The following STPG2 variants were observed in gnomAD, a reference collection of about 807,000 sequenced individuals.
STPG2 encodes sperm-tail PG-rich repeat-containing protein 2.
In STPG2, 56 loss-of-function variants were observed where a neutral mutation model predicts 54.2. The ratio of observed to expected loss-of-function variants is 1.03; its 90% CI spans 0.83 to 1.29. The LOEUF is 1.29. Ranked by LOEUF, STPG2 falls within the 50% of genes most tolerant of loss-of-function variation. The pLI, the probability that STPG2 is intolerant of heterozygous loss-of-function variation, is 0.00. For synonymous variants in STPG2, 200 were observed against 181.8 expected, an observed-to-expected ratio of 1.10 and a Z score of -0.81; for missense variants, 596 against 544.9, an observed-to-expected ratio of 1.09 and a Z score of -0.93.
intron 5 of STPG2, among the ~76,000 whole-genome samples, chr4:98,075,690 A>G (rs1309374202): frequency 6.6e-6 from 1 of 152,232 alleles, no homozygotes; most frequent in Non-Finnish European, 1.5e-5. Context: ...CACCAAAAAC[A>G]AAAACCTTCA....
At chr4:97,759,997 A>C (rs531410758) in intron 9 of STPG2, among the ~76,000 whole-genome samples, 1 of 152,306 alleles carries the variant, frequency 6.6e-6, no homozygotes, top group South Asian at 2.1e-4. Context: ...CTCATGGCAC[A>C]CCAAGATCAT....
At chr4:97,582,362 AAAC>A (rs1157577538) in intron 10 of STPG2, among the ~76,000 whole-genome samples, 1 of 152,068 alleles carries the variant, frequency 6.6e-6, no homozygotes, top group Non-Finnish European at 1.5e-5. Context: ...GATGCAATAT[AAAC>A]AACACTTTTT....
intron 5 of STPG2, among the ~76,000 whole-genome samples, chr4:98,009,535 T>C (rs1735678020): frequency 6.6e-6 from 1 of 152,104 alleles, no homozygotes; most frequent in South Asian, 2.1e-4. Context: ...TGTGTGCTTG[T>C]GACAAATATG....
intron 9 of STPG2, among the ~76,000 whole-genome samples, chr4:97,838,079 G>A (rs1381202063): frequency 3.3e-5 from 5 of 151,488 alleles, no homozygotes; most frequent in African/African-American, 9.7e-5. Context: ...GTCAGACAAT[G>A]TTATAGTTTT....
chr4:97,561,403 T>C (rs1732237723), intron 10 of STPG2, among the ~76,000 whole-genome samples: 1 of 152,220 alleles, frequency 6.6e-6, no homozygotes, highest in South Asian at 2.1e-4. Context: ...AGGCTGCCTG[T>C]TCACTCTGAT....
intron 9 of STPG2, among the ~76,000 whole-genome samples, chr4:97,808,231 T>A (rs567031568): frequency 6.6e-6 from 1 of 152,072 alleles, no homozygotes; most frequent in African/African-American, 2.4e-5. Flanking sequence ...CAAATCTATA[T>A]GACAATTGAC....
At chr4:97,638,977 C>T (rs1383341077) in intron 10 of STPG2, among the ~76,000 whole-genome samples, 2 of 151,014 alleles carry the variant, frequency 1.3e-5, no homozygotes, top group Admixed American at 6.6e-5. Flanking sequence ...CCATTTGACC[C>T]GGCCATCCCA....
chr4:97,972,382 G>C lies in STPG2; in HGVS notation c.831C>G (p.Cys277Trp), dbSNP rs1435439723. The change falls in exon 7 of 11, where the codon TGC becomes TGG. Residue 277 changes from cysteine (C) to tryptophan (W), a missense_variant. Transcript: ENST00000295268. ...ATGCACTTTTCTTCTGTTTCTTTGA[G>C]CAGATATTTCTAACACTGGCAATTA... ...NTIIASVRNI[C>W]SKKQKKSAFG... is the part of the protein sequence containing the mutation. 6.2e-7 allele frequency: 1 copy of C among 1,607,808 alleles called. No homozygotes were observed. The highest frequency in any genetic ancestry group is 8.5e-7 in the Non-Finnish European group (1 of 1,175,936).
chr4:98,021,607 G>C (rs1578788927), intron 5 of STPG2, among the ~76,000 whole-genome samples: 1 of 152,108 alleles, frequency 6.6e-6, no homozygotes, highest in African/African-American at 2.4e-5. Flanking sequence ...GTCTAATGTT[G>C]ACAGTGGGGT....
At chr4:97,869,194 T>C (rs897331553) in intron 8 of STPG2, among the ~76,000 whole-genome samples, 1 of 151,782 alleles carries the variant, frequency 6.6e-6, no homozygotes, top group African/African-American at 2.4e-5. Context: ...TAATATTATT[T>C]TCAAGAATTT....
chr4:97,637,022 G>T (rs996906589), intron 10 of STPG2, among the ~76,000 whole-genome samples: 3 of 152,078 alleles, frequency 2.0e-5, no homozygotes, highest in East Asian at 1.9e-4. Context: ...TACCAAAGCC[G>T]GGCAGAGACA....
At chr4:97,758,940 T>C (rs924421500) in intron 9 of STPG2, among the ~76,000 whole-genome samples, 17 of 151,746 alleles carry the variant, frequency 1.1e-4, no homozygotes, top group African/African-American at 3.6e-4. Flanking sequence ...AAGCTGGGGA[T>C]AATAAAGATG....
chr4:97,740,104 G>GA (rs1265517697), intron 9 of STPG2, among the ~76,000 whole-genome samples: 2 of 151,866 alleles, frequency 1.3e-5, no homozygotes, highest in African/African-American at 2.4e-5. Context: ...CAGAACCAAA[G>GA]AAAAAAACCA....
chr4:97,735,879 A>C (rs191991647), intron 9 of STPG2, among the ~76,000 whole-genome samples: 1 of 152,158 alleles, frequency 6.6e-6, no homozygotes, highest in African/African-American at 2.4e-5. Context: ...AAAAATGGGC[A>C]AAGGACCTAA....
intron 10 of STPG2, among the ~76,000 whole-genome samples, chr4:97,597,069 A>G (rs932612889): frequency 1.3e-5 from 2 of 152,156 alleles, no homozygotes; most frequent in Non-Finnish European, 2.9e-5. Context: ...AGAAAAAATG[A>G]CAAAGGAGTC....
intron 10 of STPG2, among the ~76,000 whole-genome samples, chr4:97,614,637 A>G (rs144623861): frequency 6.6e-6 from 1 of 152,070 alleles, no homozygotes; most frequent in East Asian, 1.9e-4. Flanking sequence ...GACCACTTCT[A>G]CCTCTCCATA....
At chr4:97,691,691 A>G (rs1723371196) in intron 10 of STPG2, among the ~76,000 whole-genome samples, 1 of 152,106 alleles carries the variant, frequency 6.6e-6, no homozygotes, top group African/African-American at 2.4e-5. Flanking sequence ...CTATACAACC[A>G]AAGCTGATAT....
chr4:97,818,791 A>C (rs149711877), intron 9 of STPG2, among the ~76,000 whole-genome samples: 32 of 151,732 alleles, frequency 2.1e-4, no homozygotes, highest in Non-Finnish European at 4.4e-4. Flanking sequence ...AGTACTCAAA[A>C]AGTGAATTAC....
At chr4:97,814,733 AG>A (rs1727855628) in intron 9 of STPG2, among the ~76,000 whole-genome samples, 1 of 152,112 alleles carries the variant, frequency 6.6e-6, no homozygotes, top group Non-Finnish European at 1.5e-5. Flanking sequence ...GATATAAAAC[AG>A]GCAGAAAAAC....
Sources: gnomAD v4.1 joint callset for allele counts (sites outside exome capture counted in the v4.1 genomes callset) on GRCh38, gnomAD v4.1.1 for gene constraint, MANE v1.5 for transcripts, NCBI Gene and HGNC (gene_info 2026-07-23, HGNC 2026-07-21) for gene names.